NAALADL2: variants seen among roughly 807,000 people sequenced by gnomAD.
The protein encoded by NAALADL2 is inactive N-acetylated-alpha-linked acidic dipeptidase-like protein 2.
NAALADL2 carries 76 observed loss-of-function variants against 87.2 expected under a neutral mutation model. The ratio of observed to expected loss-of-function variants is 0.87; its 90% CI spans 0.72 to 1.05. NAALADL2 has a LOEUF of 1.05. NAALADL2 is among the 50% of genes least tolerant of loss of function. The pLI, the probability that NAALADL2 is intolerant of heterozygous loss-of-function variation, is 0.00. For synonymous variants in NAALADL2, 354 were observed against 331.0 expected (o/e 1.07, Z -0.75); for missense variants, 1,089 against 945.8 (o/e 1.15, Z -1.99).
At chr3:175,421,195 A>T (rs1310752682) in intron 5 of NAALADL2, among the ~76,000 whole-genome samples, 1 of 152,024 alleles carries the variant, frequency 6.6e-6, no homozygotes, top group Admixed American at 6.6e-5. Context: ...TCACTCCCAC[A>T]TAAGAGCCAT....
chr3:174,741,865 A>G (rs1356578790), intron 3 of NAALADL2, among the ~76,000 whole-genome samples: 1 of 151,738 alleles, frequency 6.6e-6, no homozygotes, highest in African/African-American at 2.4e-5. Flanking sequence ...ATTTCCTTAT[A>G]TAGCTGGAAT....
chr3:175,602,601 G>A (rs1723129009), intron 10 of NAALADL2, among the ~76,000 whole-genome samples: 1 of 152,042 alleles, frequency 6.6e-6, no homozygotes, highest in South Asian at 2.1e-4. Flanking sequence ...TTCTGCCTGG[G>A]AAGACTGGAA....
intron 9 of NAALADL2, among the ~76,000 whole-genome samples, chr3:175,552,362 G>A (rs1560746063): frequency 6.6e-6 from 1 of 152,066 alleles, no homozygotes; most frequent in African/African-American, 2.4e-5. Context: ...AGTGAAAAAA[G>A]AAAATAGAGT....
chr3:174,626,834 A>G (rs1355739352), intron 2 of NAALADL2, among the ~76,000 whole-genome samples: 1 of 152,058 alleles, frequency 6.6e-6, no homozygotes, highest in African/African-American at 2.4e-5. Context: ...TCTTAATACC[A>G]ATTTTAGAAT....
intron 11 of NAALADL2, among the ~76,000 whole-genome samples, chr3:175,664,547 C>T (rs1471033232): frequency 6.6e-6 from 1 of 152,058 alleles, no homozygotes; most frequent in Non-Finnish European, 1.5e-5. Context: ...CCTGACCACA[C>T]AGATTGAACA....
intron 11 of NAALADL2, among the ~76,000 whole-genome samples, chr3:175,662,906 G>A (rs1253485025): frequency 2.6e-5 from 4 of 151,722 alleles, no homozygotes; most frequent in Non-Finnish European, 5.9e-5. Context: ...ATTTTTTGAG[G>A]AATTCAGCAT....
At chr3:175,368,149 G>C (rs544309188) in intron 5 of NAALADL2, among the ~76,000 whole-genome samples, 1 of 152,224 alleles carries the variant, frequency 6.6e-6, no homozygotes, top group East Asian at 1.9e-4. Flanking sequence ...TTTATACGCT[G>C]GATTACATTT....
chr3:174,745,803 A>G (rs1358073840), intron 3 of NAALADL2, among the ~76,000 whole-genome samples: 2 of 152,318 alleles, frequency 1.3e-5, no homozygotes, highest in Admixed American at 1.3e-4. Context: ...AAATTAATAA[A>G]TGTAAGTCAT....
intron 11 of NAALADL2, among the ~76,000 whole-genome samples, chr3:175,730,137 C>T (rs552471227): frequency 6.6e-5 from 10 of 151,804 alleles, no homozygotes; most frequent in African/African-American, 2.4e-4. Context: ...TCGTTAAAAG[C>T]ATTTATTGCA....
intron 11 of NAALADL2, among the ~76,000 whole-genome samples, chr3:175,720,274 A>T (rs931770893): frequency 8.5e-5 from 13 of 152,128 alleles, no homozygotes; most frequent in African/African-American, 2.7e-4. Flanking sequence ...AAAATTAGAA[A>T]CCATAACAAA....
At chr3:175,278,846 T>G (rs1401989612) in intron 4 of NAALADL2, among the ~76,000 whole-genome samples, 2 of 152,184 alleles carry the variant, frequency 1.3e-5, no homozygotes, top group African/African-American at 4.8e-5. Flanking sequence ...TGCTTTTTCT[T>G]ATTCCAAGTT....
At chr3:175,534,186 T>A (rs2149451182) in intron 9 of NAALADL2, among the ~76,000 whole-genome samples, 1 of 151,940 alleles carries the variant, frequency 6.6e-6, no homozygotes, top group African/African-American at 2.4e-5. Flanking sequence ...AACTCCATCC[T>A]TAATATTCCG....
At chr3:175,357,873 T>A (rs1764567337) in intron 5 of NAALADL2, among the ~76,000 whole-genome samples, 1 of 151,980 alleles carries the variant, frequency 6.6e-6, no homozygotes, top group South Asian at 2.1e-4. Context: ...GTGTAGGAAA[T>A]GGTGAGGAAA....
At chr3:174,750,889 G>T (rs1007348073) in intron 3 of NAALADL2, among the ~76,000 whole-genome samples, 3 of 151,934 alleles carry the variant, frequency 2.0e-5, no homozygotes, top group Non-Finnish European at 2.9e-5. Flanking sequence ...CAAATACAGC[G>T]CTCTCAAAAC....
intron 3 of NAALADL2, among the ~76,000 whole-genome samples, chr3:174,828,741 T>C (rs956496111): frequency 2.0e-5 from 3 of 152,196 alleles, no homozygotes; most frequent in African/African-American, 7.2e-5. Context: ...TTACATGTTA[T>C]AAACCTACCC....
chr3:174,543,677 T>C (rs1453966365), intron 1 of NAALADL2, among the ~76,000 whole-genome samples: 1 of 152,106 alleles, frequency 6.6e-6, no homozygotes, highest in African/African-American at 2.4e-5. Context: ...AAAATAATCA[T>C]GATTTTATGG....
chr3:175,727,890 T>A (rs1561044549), intron 11 of NAALADL2, among the ~76,000 whole-genome samples: 1 of 152,126 alleles, frequency 6.6e-6, no homozygotes, highest in Non-Finnish European at 1.5e-5. Flanking sequence ...TGTTTCTGCT[T>A]ATACATGAAA....
chr3:175,439,700 CT>C (rs1298154184), intron 5 of NAALADL2, among the ~76,000 whole-genome samples: 6 of 120,288 alleles, frequency 5.0e-5, no homozygotes, highest in African/African-American at 1.9e-4. Context: ...TTGTGTTTTT[CT>C]TGTGTTTCTT....
intron 5 of NAALADL2, among the ~76,000 whole-genome samples, chr3:175,341,790 C>T (rs917013437): frequency 6.6e-6 from 1 of 152,066 alleles, no homozygotes; most frequent in Non-Finnish European, 1.5e-5. Context: ...ATGTTTCCTT[C>T]TAAGAGTTTT....
Sources: allele counts gnomAD v4.1 joint callset (sites outside exome capture counted in the v4.1 genomes callset), GRCh38; gene constraint gnomAD v4.1.1; transcripts MANE v1.5; gene names NCBI Gene and HGNC (gene_info 2026-07-23, HGNC 2026-07-21).